SEM1: variants seen among roughly 807,000 people sequenced by gnomAD.
The protein encoded by SEM1 is 26S proteasome complex subunit SEM1.
SEM1 carries 3 observed loss-of-function variants against 12.7 expected under a neutral mutation model. That is an observed-to-expected ratio of 0.24 (90% confidence interval 0.11 to 0.61). SEM1 has a LOEUF of 0.61. Ranked by LOEUF, SEM1 falls within the 20% of genes least tolerant of loss-of-function variation. The pLI is 0.88. For synonymous variants in SEM1, 30 were observed against 27.8 expected (o/e 1.08, Z -0.25); for missense variants, 59 against 81.3 (o/e 0.73, Z 1.06).
At position 96,570,018 on chromosome 7, in the gene SEM1, T is replaced by G. The variant is rs1241281025; in HGVS notation, c.171-63320A>C. 2.0e-5 allele frequency among the ~76,000 whole-genome samples: 3 copies of G among 152,202 alleles called. No individual in the cohort carries two copies. In the East Asian group the frequency reaches 5.8e-4, roughly 29 times the overall value. Reference sequence around the variant, plus strand: ...TGCAGGTACCTTTTTGATAACGATTTACTTCCTTTTGGGTATATACCCAGT... The same window carrying G: ...TGCAGGTACCTTTTTGATAACGATTGACTTCCTTTTGGGTATATACCCAGT... On this transcript the variant is annotated intron_variant and NMD_transcript_variant, in intron 2 of 3. Transcript: ENST00000466986.
intron 2 of SEM1, among the ~76,000 whole-genome samples, chr7:96,571,966 G>T (rs1459687508): frequency 6.6e-6 from 1 of 152,070 alleles, no homozygotes; most frequent in East Asian, 1.9e-4. Flanking sequence ...TTCAGAACTT[G>T]TTATTGGTCT....
Position 96,692,694 on chromosome 7 carries a change from AAGAG to A in SEM1, c.170+2100_170+2103del, listed in dbSNP as rs1301818879. ...CATATACTGATCATGAAGAATGAGA[AAGAG>A]CAGGTACAATGCTTGGAACAGATGA... On this transcript the variant is annotated intron_variant, in intron 2 of 2. Coordinates refer to ENST00000248566, the MANE Select transcript of SEM1 (RefSeq NM_006304.2). 2.6e-5 allele frequency among the ~76,000 whole-genome samples: 4 copies of A among 152,154 alleles called. No individual in the cohort carries two copies. In the East Asian group the frequency reaches 5.8e-4, roughly 22 times the overall value.
intron 2 of SEM1, among the ~76,000 whole-genome samples, chr7:96,544,082 A>G (rs1364242545): frequency 6.6e-6 from 1 of 152,066 alleles, no homozygotes; most frequent in East Asian, 1.9e-4. Context: ...AGGTGGATTC[A>G]TGAGCCCATC....
intron 2 of SEM1, among the ~76,000 whole-genome samples, chr7:96,543,875 C>A (rs941300028): frequency 6.6e-6 from 1 of 152,038 alleles, no homozygotes; most frequent in East Asian, 1.9e-4. Flanking sequence ...CTTCATTTAG[C>A]TAAGAAGCTA....
chr7:96,620,852 A>C (rs982111814), downstream of SEM1, among the ~76,000 whole-genome samples: 5 of 151,856 alleles, frequency 3.3e-5, no homozygotes, highest in African/African-American at 9.7e-5. Flanking sequence ...ATATTTTTGC[A>C]TACCTGTTTA....
At chr7:96,556,417 C>G in intron 2 of SEM1, among the ~76,000 whole-genome samples, 1 of 152,084 alleles carries the variant, frequency 6.6e-6, no homozygotes. Context: ...ATTTGCTTGT[C>G]TATAAAGTAT....
At chr7:96,561,345 C>T (rs1046751915) in intron 2 of SEM1, among the ~76,000 whole-genome samples, 1 of 152,132 alleles carries the variant, frequency 6.6e-6, no homozygotes, top group Admixed American at 6.5e-5. Context: ...ATCTCTGGGA[C>T]CACTTGTCAG....
chr7:96,535,913 A>G (rs1031270048), intron 2 of SEM1, among the ~76,000 whole-genome samples: 10 of 151,904 alleles, frequency 6.6e-5, no homozygotes, highest in Non-Finnish European at 1.0e-4. Flanking sequence ...TAGTGCTGCA[A>G]TGAACATACA....
intron 2 of SEM1, among the ~76,000 whole-genome samples, chr7:96,679,174 T>G (rs540056465): frequency 6.6e-6 from 1 of 152,138 alleles, no homozygotes; most frequent in African/African-American, 2.4e-5. Flanking sequence ...TGTTGAAAGA[T>G]AGTAAAAGAC....
chr7:96,608,089 A>G (rs1731138537), intron 2 of SEM1, among the ~76,000 whole-genome samples: 1 of 152,226 alleles, frequency 6.6e-6, no homozygotes, highest in African/African-American at 2.4e-5. Flanking sequence ...GAAAGCCCTT[A>G]GCATCGTCTG....
At chr7:96,695,030 T>C (rs1183718439) in intron 1 of SEM1, 139 bp from the exon 2 acceptor site, 2 of 577,870 alleles carry the variant, frequency 3.5e-6, no homozygotes, top group Non-Finnish European at 6.1e-6. Flanking sequence ...GTATCTTCCT[T>C]AAATCTGAGC....
At chr7:96,585,190 C>G (rs1022348777) in intron 2 of SEM1, among the ~76,000 whole-genome samples, 1 of 152,158 alleles carries the variant, frequency 6.6e-6, no homozygotes, top group African/African-American at 2.4e-5. Flanking sequence ...TTCTAACAGA[C>G]AGGACCCTCA....
intron 2 of SEM1, among the ~76,000 whole-genome samples, chr7:96,610,195 G>A (rs553243453): frequency 1.3e-5 from 2 of 152,122 alleles, no homozygotes; most frequent in African/African-American, 2.4e-5. Context: ...CGCCTCCTGG[G>A]TTCAAGTGAT....
intron 2 of SEM1, among the ~76,000 whole-genome samples, chr7:96,553,068 T>A (rs1584757724): frequency 6.6e-6 from 1 of 152,184 alleles, no homozygotes; most frequent in Non-Finnish European, 1.5e-5. Flanking sequence ...TAAATTTGTT[T>A]GAGTTCATTG....
chr7:96,659,747 T>G (rs538448087), intron 2 of SEM1, among the ~76,000 whole-genome samples: 9 of 151,910 alleles, frequency 5.9e-5, no homozygotes, highest in African/African-American at 2.2e-4. Flanking sequence ...CTTGCAAAAT[T>G]TCAAGGGTGA....
At chr7:96,592,220 G>C (rs764449176) in intron 2 of SEM1, among the ~76,000 whole-genome samples, 1 of 151,778 alleles carries the variant, frequency 6.6e-6, no homozygotes, top group Non-Finnish European at 1.5e-5. Context: ...GTAAGCCCGG[G>C]AAGAGGAGGG....
chr7:96,632,711 T>C (rs922208221), intron 2 of SEM1, among the ~76,000 whole-genome samples: 4 of 150,862 alleles, frequency 2.7e-5, no homozygotes, highest in Non-Finnish European at 4.4e-5. Context: ...ATAATAATTT[T>C]AAAAAAACAG....
At chr7:96,575,704 G>A (rs1012999598) in intron 2 of SEM1, among the ~76,000 whole-genome samples, 5 of 152,190 alleles carry the variant, frequency 3.3e-5, no homozygotes, top group Non-Finnish European at 5.9e-5. Flanking sequence ...TGGCTACAGC[G>A]GCTTTGTGGC....
intron 1 of SEM1, chr7:96,706,134 C>T (rs1315139079): frequency 6.6e-6 from 1 of 152,122 alleles, no homozygotes; most frequent in African/African-American, 2.4e-5. Context: ...ATTACACACC[C>T]ACCAATTAGA....
Sources: gnomAD v4.1 joint callset for allele counts (sites outside exome capture counted in the v4.1 genomes callset) on GRCh38, gnomAD v4.1.1 for gene constraint, MANE v1.5 for transcripts, NCBI Gene and HGNC (gene_info 2026-07-23, HGNC 2026-07-21) for gene names.